CRTC3: variants seen among roughly 807,000 people sequenced by gnomAD.
CRTC3 encodes CREB-regulated transcription coactivator 3.
Under a neutral mutation model 74.5 loss-of-function variants are expected in CRTC3, and 26 were observed. That is an observed-to-expected ratio of 0.35 (90% CI 0.26 to 0.48). The LOEUF (loss-of-function observed/expected upper bound fraction) is 0.48. Ranked by LOEUF, CRTC3 falls within the 20% of genes least tolerant of loss-of-function variation. CRTC3 has a pLI of 0.99. For synonymous variants in CRTC3, 377 were observed against 325.8 expected (o/e 1.16, Z -1.69); for missense variants, 760 against 787.3 (o/e 0.97, Z 0.41).
intron 5 of CRTC3, among the ~76,000 whole-genome samples, chr15:90,605,828 T>G (rs1218937654): frequency 6.6e-6 from 1 of 152,258 alleles, no homozygotes; most frequent in Non-Finnish European, 1.5e-5. Flanking sequence ...CAGTTTGACC[T>G]TATGATGAGA....
chr15:90,641,867 C>A, intron 14 of CRTC3, 65 bp from the exon 15 acceptor site: 1 of 1,426,214 alleles, frequency 7.0e-7, no homozygotes, highest in Non-Finnish European at 9.8e-7. Context: ...GCTGGGTTTG[C>A]TTAGTAGCCT....
Position 90,638,570 on chromosome 15 carries a change from C to T in CRTC3, c.1391C>T (p.Ala464Val), listed in dbSNP as rs779921162. Residue 464 changes from alanine to valine, a missense_variant, in exon 12 of 15, where the codon GCC becomes GTC. Transcript: ENST00000268184. ...CAGCCCCTCCTGCAGCAGCCCCGCG[C>T]CCCTGAGGCCCCTGCCCAGCAGCCC... ...LTQPLLQQPR[A>V]PEAPAQQPQA... 6 of 1,612,884 alleles carry T rather than the reference C, an allele frequency of 3.7e-6. No homozygotes were observed. In the African/African-American group the frequency reaches 4.0e-5, roughly 11 times the overall value.
chr15:90,554,463 A>G (rs1227840576), intron 2 of CRTC3, among the ~76,000 whole-genome samples: 2 of 152,124 alleles, frequency 1.3e-5, no homozygotes, highest in Non-Finnish European at 2.9e-5. Context: ...TCGGCCTCCC[A>G]AAGTGCTGGG....
intron 2 of CRTC3, among the ~76,000 whole-genome samples, chr15:90,569,180 T>A (rs946273471): frequency 8.6e-5 from 13 of 151,942 alleles, no homozygotes; most frequent in South Asian, 2.1e-4. Flanking sequence ...TTGAAAAATT[T>A]TTTTGTAGAG....
chr15:90,582,192 G>A (rs745754790), intron 2 of CRTC3, among the ~76,000 whole-genome samples: 2 of 152,212 alleles, frequency 1.3e-5, no homozygotes, highest in Non-Finnish European at 2.9e-5. Context: ...TCTAGTCATT[G>A]TCTTATTAGC....
At chr15:90,599,516 T>A (rs938458336) in intron 3 of CRTC3, 4 of 152,234 alleles carry the variant, frequency 2.6e-5, no homozygotes, top group Admixed American at 2.0e-4. Flanking sequence ...CAAATAAACT[T>A]CTTCTAGATT....
intron 2 of CRTC3, among the ~76,000 whole-genome samples, chr15:90,567,252 C>T (rs994109609): frequency 1.1e-4 from 17 of 152,138 alleles, no homozygotes; most frequent in Middle Eastern, 3.4e-3. Context: ...GCCAGGATGA[C>T]GGTACATGTG....
intron 5 of CRTC3, among the ~76,000 whole-genome samples, chr15:90,607,062 C>T (rs528075313): frequency 3.9e-4 from 59 of 151,910 alleles, no homozygotes; most frequent in African/African-American, 1.3e-3. Flanking sequence ...AGCCAGCTTC[C>T]GAGCTGGGAA....
rs139755172 is a variant in CRTC3 at position 90,532,692 on chromosome 15, A to G, written c.132+2489A>G. On this transcript the variant is annotated intron_variant, in intron 1 of 14. Coordinates refer to ENST00000268184, the MANE Select transcript of CRTC3 (RefSeq NM_022769.5). ...GACTAGACTGTAGAGGATTTTCTCT[A>G]GCTTTAGAAGTCCGGCATTATCAGG... is the stretch of plus-strand genomic sequence containing the variant. 3.4e-3 allele frequency among the ~76,000 whole-genome samples: 523 copies of G among 152,300 alleles called. 3 individuals are homozygous for G. The highest frequency in any genetic ancestry group is 0.012 in the African/African-American group (502 of 41,560).
chr15:90,558,779 T>C (rs1429732535), intron 2 of CRTC3, among the ~76,000 whole-genome samples: 1 of 151,824 alleles, frequency 6.6e-6, no homozygotes, highest in African/African-American at 2.4e-5. Context: ...TGAGACTGAG[T>C]CTTGCTCTGT....
At chr15:90,639,058 A>G (rs1969344183) in intron 13 of CRTC3, among the ~76,000 whole-genome samples, 1 of 151,750 alleles carries the variant, frequency 6.6e-6, no homozygotes, top group South Asian at 2.1e-4. Context: ...TTTTGATGAC[A>G]CTCTCGTTGT....
chr15:90,638,406 C>T (rs1398463324), intron 11 of CRTC3, 40 bp from the exon 12 acceptor site: 37 of 1,566,540 alleles, frequency 2.4e-5, no homozygotes, highest in Middle Eastern at 3.3e-4. Flanking sequence ...ACGCCAGAAA[C>T]GCAGAAGCTC....
intron 2 of CRTC3, among the ~76,000 whole-genome samples, chr15:90,592,565 T>C (rs1170782626): frequency 6.6e-6 from 1 of 152,210 alleles, no homozygotes; most frequent in Non-Finnish European, 1.5e-5. Flanking sequence ...ACCCCAAGCA[T>C]CTCTTTAAAA....
intron 11 of CRTC3, chr15:90,635,125 T>TC (rs1969185053): frequency 3.5e-6 from 2 of 566,298 alleles, no homozygotes; most frequent in Admixed American, 2.7e-5. Flanking sequence ...TCCATATTTC[T>TC]TATAATAAAC....
Position 90,629,409 on chromosome 15 carries a change from C to T in CRTC3, c.1143C>T (p.Gly381=). The change falls in exon 11 of 15, where the codon GGC becomes GGT. Residue 381 remains glycine (G), a synonymous_variant. Coordinates refer to ENST00000268184, the MANE Select transcript of CRTC3 (RefSeq NM_022769.5). ...NPSLSTTNLS[G]PSRRRQPPVS... is the part of the protein sequence containing the mutation. ...CTCTTTCCACCACAAACCTGAGCGG[C>T]CCGTCTCGGCGTCGGCAGCCTCCCG... is the stretch of plus-strand genomic sequence containing the variant. 1 of 1,614,104 alleles carries T rather than the reference C, an allele frequency of 6.2e-7. No homozygotes were observed. The highest frequency in any genetic ancestry group is 8.5e-7 in the Non-Finnish European group (1 of 1,180,038).
At chr15:90,577,220 C>T (rs1405101068) in intron 2 of CRTC3, among the ~76,000 whole-genome samples, 1 of 152,066 alleles carries the variant, frequency 6.6e-6, no homozygotes, top group Non-Finnish European at 1.5e-5. Flanking sequence ...AGCCACCAGG[C>T]CCAGCCTTTG....
chr15:90,623,580 C>T (rs1361849901), intron 9 of CRTC3, among the ~76,000 whole-genome samples: 1 of 152,126 alleles, frequency 6.6e-6, no homozygotes, highest in Non-Finnish European at 1.5e-5. Flanking sequence ...TCGTGGCCTC[C>T]TGCTGGAGCG....
In CRTC3 at chr15:90,613,192, A is replaced by AGG. The variant is rs1567184644; in HGVS notation, c.578-1261_578-1260insGG. Among the ~76,000 whole-genome samples, 628 of 151,318 alleles carry AGG rather than the reference A, an allele frequency of 4.2e-3. 4 individuals carry two copies. The highest frequency in any genetic ancestry group is 0.014 in the African/African-American group (568 of 41,178). On this transcript the variant is annotated intron_variant, in intron 6 of 14. Transcript: ENST00000268184. ...AGTGAGACTCTGTCTCGGGAAAAAA[A>AGG]AAAAAAAAAAAAAAAAATGTAGATT...
At chr15:90,570,201 T>C (rs1967229590) in intron 2 of CRTC3, among the ~76,000 whole-genome samples, 1 of 152,184 alleles carries the variant, frequency 6.6e-6, no homozygotes, top group Non-Finnish European at 1.5e-5. Flanking sequence ...TTTTTAAAAA[T>C]GTGGCTTAAA....
Sources: allele counts gnomAD v4.1 joint callset (sites outside exome capture counted in the v4.1 genomes callset), GRCh38; gene constraint gnomAD v4.1.1; transcripts MANE v1.5; gene names NCBI Gene and HGNC (gene_info 2026-07-23, HGNC 2026-07-21).